The following PEBP4 variants were observed in gnomAD, a reference collection of about 807,000 sequenced individuals.
PEBP4 encodes the protein phosphatidylethanolamine binding protein 4.
A neutral mutation model predicts 23.9 loss-of-function variants in PEBP4; 22 were observed. The observed-to-expected ratio is 0.92, with a 90% CI of 0.66 to 1.31. The LOEUF is 1.31. Ranked by LOEUF, PEBP4 falls within the 40% of genes most tolerant of loss-of-function variation. The probability of loss-of-function intolerance (pLI) is 0.00; values close to 1 mark genes in which losing one functional copy is unlikely to be tolerated. For synonymous variants in PEBP4, 112 were observed against 99.3 expected, an observed-to-expected ratio of 1.13 and a Z score of -0.76; for missense variants, 324 against 281.7, an observed-to-expected ratio of 1.15 and a Z score of -1.07.
intron 4 of PEBP4, among the ~76,000 whole-genome samples, chr8:22,797,685 T>C (rs1806292282): frequency 6.6e-6 from 1 of 152,174 alleles, no homozygotes. Flanking sequence ...GTAGGGTCCA[T>C]GTGATCTGAA....
chr8:22,829,273 C>T (rs1485986358), intron 3 of PEBP4, among the ~76,000 whole-genome samples: 4 of 152,084 alleles, frequency 2.6e-5, no homozygotes, highest in Non-Finnish European at 5.9e-5. Flanking sequence ...AAGAGGTTGG[C>T]CCCACCCTAT....
Position 22,836,928 on chromosome 8 carries a change from G to A in PEBP4, c.259-19193C>T, listed in dbSNP as rs75476918. 7.6e-3 allele frequency among the ~76,000 whole-genome samples: 1,137 copies of A among 150,546 alleles called. 7 individuals are homozygous for A. The highest frequency in any genetic ancestry group is 7.8e-3 in the Non-Finnish European group (527 of 67,480). On this transcript the variant is annotated intron_variant, in intron 3 of 6. Transcript: ENST00000256404. The stretch of plus-strand genomic sequence containing the variant: ...TCCTAAGCAACAAAGGGTGTGGATC[G>A]TTTCTTTAGTAAAGTAGCAATCAGA...
At chr8:22,877,980 T>G (rs917445650) in intron 3 of PEBP4, 3 of 152,710 alleles carry the variant, frequency 2.0e-5, no homozygotes, top group Admixed American at 2.0e-4. Flanking sequence ...TTGGTTACTT[T>G]CTCAGCTGTA....
At chr8:22,808,066 T>A (rs575903392) in intron 4 of PEBP4, among the ~76,000 whole-genome samples, 7 of 152,116 alleles carry the variant, frequency 4.6e-5, no homozygotes, top group Admixed American at 2.6e-4. Context: ...CATTCATGCA[T>A]CCATCCACCT....
chr8:22,924,797 T>A, intron 2 of PEBP4: 16 of 985,368 alleles, frequency 1.6e-5, no homozygotes, highest in Non-Finnish European at 1.9e-5. Context: ...AGCCCAGGGT[T>A]GGGACCGTCG....
intron 4 of PEBP4, among the ~76,000 whole-genome samples, chr8:22,812,364 T>C (rs1806649258): frequency 6.6e-6 from 1 of 152,238 alleles, no homozygotes. Flanking sequence ...CTCTAGTTCA[T>C]CTGACCCAAA....
intron 3 of PEBP4, chr8:22,879,260 A>G (rs940971245): frequency 6.6e-6 from 1 of 152,238 alleles, no homozygotes; most frequent in Non-Finnish European, 1.5e-5. Flanking sequence ...GCATTGCGAC[A>G]TGTCTGCTTC....
chr8:22,725,907 C>T (rs148104101), intron 5 of PEBP4, among the ~76,000 whole-genome samples: 1 of 152,318 alleles, frequency 6.6e-6, no homozygotes, highest in East Asian at 1.9e-4. Flanking sequence ...TCACTGTGCA[C>T]TTCCGGCCAC....
At chr8:22,785,247 A>G (rs1806005057) in intron 4 of PEBP4, among the ~76,000 whole-genome samples, 1 of 152,196 alleles carries the variant, frequency 6.6e-6, no homozygotes, top group African/African-American at 2.4e-5. Context: ...TTTGGAGGAA[A>G]AAAGCCGTTG....
chr8:22,754,690 C>A (rs969422063), intron 4 of PEBP4: 1 of 152,248 alleles, frequency 6.6e-6, no homozygotes, highest in African/African-American at 2.4e-5. Flanking sequence ...ATGAAGCTGT[C>A]ATCTGCCTGA....
Position 22,920,241 on chromosome 8 carries a change from G to A in PEBP4, c.201C>T (p.Tyr67=), listed in dbSNP as rs1330676279. The change falls in exon 3 of 7, where the codon TAC becomes TAT. Residue 67 remains tyrosine (Y), a synonymous_variant. Coordinates refer to ENST00000256404, the MANE Select transcript of PEBP4 (RefSeq NM_144962.3). ...GCKVVPDCNN[Y]RQKITSWMEP... is the part of the protein sequence containing the mutation. Reference sequence around the variant, plus strand: ...CCATCCAGGAGGTGATCTTCTGTCTGTAGTTGTTACAATCAGGAACAACCT... The same window carrying A: ...CCATCCAGGAGGTGATCTTCTGTCTATAGTTGTTACAATCAGGAACAACCT... The A allele has an allele frequency of 6.2e-7, 1 of 1,613,864 alleles. No homozygotes were observed. The highest frequency in any genetic ancestry group is 1.7e-5 in the Admixed American group (1 of 60,022).
intron 3 of PEBP4, among the ~76,000 whole-genome samples, chr8:22,867,990 C>G (rs1482721747): frequency 1.3e-5 from 2 of 152,254 alleles, no homozygotes; most frequent in Middle Eastern, 3.4e-3. Flanking sequence ...CATGCACAGA[C>G]CGTAGGCAAT....
chr8:22,920,441 T>G, intron 2 of PEBP4, 131 bp from the exon 3 acceptor site: 5 of 1,092,802 alleles, frequency 4.6e-6, no homozygotes, highest in Non-Finnish European at 6.4e-6. Context: ...CACTAACTAG[T>G]TGTGTGACCG....
At chr8:22,837,520 A>G (rs1439867058) in intron 3 of PEBP4, among the ~76,000 whole-genome samples, 1 of 152,076 alleles carries the variant, frequency 6.6e-6, no homozygotes, top group Non-Finnish European at 1.5e-5. Flanking sequence ...CTAAATATAA[A>G]CTTCATAACC....
At chr8:22,874,714 A>G (rs1251538919) in intron 3 of PEBP4, among the ~76,000 whole-genome samples, 2 of 152,216 alleles carry the variant, frequency 1.3e-5, no homozygotes, top group African/African-American at 2.4e-5. Flanking sequence ...TTTCTTATGT[A>G]TAACAGCTTT....
At chr8:22,746,527 C>A (rs1282978255) in intron 4 of PEBP4, among the ~76,000 whole-genome samples, 1 of 152,014 alleles carries the variant, frequency 6.6e-6, no homozygotes, top group African/African-American at 2.4e-5. Flanking sequence ...TCACTGCCTT[C>A]CCCTTCTCTC....
intron 4 of PEBP4, among the ~76,000 whole-genome samples, chr8:22,767,097 C>G (rs1158760815): frequency 6.6e-6 from 1 of 152,216 alleles, no homozygotes; most frequent in East Asian, 1.9e-4. Context: ...AACAGATTCT[C>G]CCTTCTCAGG....
chr8:22,870,387 A>G (rs949290294), intron 3 of PEBP4, among the ~76,000 whole-genome samples: 2 of 152,212 alleles, frequency 1.3e-5, no homozygotes, highest in Non-Finnish European at 2.9e-5. Flanking sequence ...AAAAAGGCAA[A>G]ACTATGGAGA....
intron 4 of PEBP4, among the ~76,000 whole-genome samples, chr8:22,765,293 G>A (rs1214542722): frequency 6.6e-6 from 1 of 152,076 alleles, no homozygotes; most frequent in Non-Finnish European, 1.5e-5. Context: ...ACAGGTATGT[G>A]CCACCACACC....
Sources: allele counts gnomAD v4.1 joint callset (sites outside exome capture counted in the v4.1 genomes callset), GRCh38; gene constraint gnomAD v4.1.1; transcripts MANE v1.5; gene names NCBI Gene and HGNC (gene_info 2026-07-23, HGNC 2026-07-21).